The following USP49 variants were observed in gnomAD, a reference collection of about 807,000 sequenced individuals.
USP49 encodes ubiquitin specific peptidase 49.
USP49 carries 24 observed loss-of-function variants against 58.6 expected under a neutral mutation model. The ratio of observed to expected loss-of-function variants is 0.41; its 90% CI spans 0.30 to 0.58. The LOEUF (loss-of-function observed/expected upper bound fraction) is 0.58. Ranked by LOEUF, USP49 falls within the 20% of genes least tolerant of loss-of-function variation. The probability of loss-of-function intolerance (pLI) is 0.30; values close to 1 mark genes in which losing one functional copy is unlikely to be tolerated. For synonymous variants in USP49, 408 were observed against 365.1 expected (o/e 1.12, Z -1.34); for missense variants, 703 against 866.1 (o/e 0.81, Z 2.36).
At chr6:41,831,580 C>CAAAAAAA (rs57125790) in intron 3 of USP49, among the ~76,000 whole-genome samples, 1 of 114,294 alleles carries the variant, frequency 8.7e-6, no homozygotes, top group African/African-American at 3.3e-5. Flanking sequence ...AACTCCATCT[C>CAAAAAAA]AAAAAAAAAA....
chr6:41,822,014 A>G (rs1038134109), intron 3 of USP49, among the ~76,000 whole-genome samples: 3 of 152,236 alleles, frequency 2.0e-5, no homozygotes, highest in African/African-American at 7.2e-5. Flanking sequence ...GTTTTCAGTC[A>G]TAGAAACAAT....
intron 3 of USP49, among the ~76,000 whole-genome samples, chr6:41,807,665 C>G (rs756739104): frequency 2.0e-5 from 3 of 152,008 alleles, no homozygotes; most frequent in Non-Finnish European, 4.4e-5. Flanking sequence ...TGGTCTCGAA[C>G]TCCTGACCTC....
rs1418586768 is a variant in USP49 at position 41,805,994 on chromosome 6, G to T, written c.990C>A (p.Phe330Leu). 2 of 1,613,950 alleles carry T rather than the reference G, an allele frequency of 1.2e-6. No individual in the cohort carries two copies. The highest frequency in any genetic ancestry group is 1.6e-4 in the Middle Eastern group (1 of 6,062). The change falls in exon 4 of 8, where the codon TTC becomes TTA. Residue 330 changes from phenylalanine (F) to leucine (L), a missense_variant. Physicochemically the swap from Phe to Leu is conservative, Grantham distance 22 (BLOSUM62 0). Coordinates refer to ENST00000682992, the MANE Select transcript of USP49 (RefSeq NM_001286554.2). ...DRAEACEREG[F>L]CWNGRASISR... ...TAATGGAGGCCCTGCCGTTCCAGCAGAAGCCCTCCCGCTCGCATGCCTCGG... is the reference window on the plus strand; with the variant it reads ...TAATGGAGGCCCTGCCGTTCCAGCATAAGCCCTCCCGCTCGCATGCCTCGG...
chr6:41,823,857 A>AGAGTGTGTGT (rs1263171963), intron 3 of USP49, among the ~76,000 whole-genome samples: 17 of 152,056 alleles, frequency 1.1e-4, no homozygotes, highest in African/African-American at 3.9e-4. Flanking sequence ...AGGGAGAGAG[A>AGAGTGTGTGT]GAGTGTGTGT....
At chr6:41,877,194 AG>A (rs1774517718) in intron 2 of USP49, among the ~76,000 whole-genome samples, 1 of 152,238 alleles carries the variant, frequency 6.6e-6, no homozygotes, top group Non-Finnish European at 1.5e-5. Flanking sequence ...TTTAAATTCA[AG>A]GCCTCTGCAC....
Position 41,792,076 on chromosome 6 carries a change from G to C in USP49, c.*4457C>G, listed in dbSNP as rs1325460532. ...GAGCTCAGTGGAAACCTTAAGGTCAGAGTAAAAGAAACTGGCTGTAAACAG... is the reference window on the plus strand; with the variant it reads ...GAGCTCAGTGGAAACCTTAAGGTCACAGTAAAAGAAACTGGCTGTAAACAG... On this transcript the variant is annotated 3_prime_UTR_variant, in exon 8 of 8. Coordinates refer to ENST00000682992, the MANE Select transcript of USP49 (RefSeq NM_001286554.2). 1 of 152,214 alleles carries C rather than the reference G, an allele frequency of 6.6e-6. No homozygotes were observed. Among genetic ancestry groups the C allele is most frequent in the Non-Finnish European group, 1.5e-5 (1 of 68,036 alleles). The allele number at this position is 152,214 out of a possible 1,614,324, so 9.4% of individuals were successfully genotyped here. A position where few individuals can be genotyped will look rare whatever the true frequency, so the allele number is the denominator to read the frequency against.
At position 41,817,150 on chromosome 6, in the gene USP49, C is replaced by CTTTTTTTTTTTTTTT. The variant is rs34281670; in HGVS notation, c.-28-10154_-28-10140dup. Among the ~76,000 whole-genome samples the CTTTTTTTTTTTTTTT allele has an allele frequency of 4.0e-4, 42 of 104,330 alleles. 2 individuals are homozygous for CTTTTTTTTTTTTTTT. Among genetic ancestry groups the CTTTTTTTTTTTTTTT allele is most frequent in the African/African-American group, 1.5e-3 (34 of 22,544 alleles). 68.4% of individuals were successfully genotyped at this position (104,330 alleles called of 152,430 possible). On this transcript the variant is annotated intron_variant, in intron 3 of 7. Transcript: ENST00000682992. ...CCACCACGCCTGGCTCCCACGCATG[C>CTTTTTTTTTTTTTTT]TTTTTTTTTTTTTTTTTGAGACAGA...
intron 2 of USP49, 138 bp from the exon 3 acceptor site, chr6:41,871,775 G>A (rs986105654): frequency 1.2e-4 from 14 of 116,718 alleles, no homozygotes; most frequent in African/African-American, 3.5e-4. Flanking sequence ...TAAAACTGAT[G>A]TAAGAGTAAA....
chr6:41,889,906 C>G (rs898983048), intron 2 of USP49, among the ~76,000 whole-genome samples: 4 of 152,068 alleles, frequency 2.6e-5, no homozygotes, highest in African/African-American at 9.7e-5. Context: ...TAAGGGTATA[C>G]AGAATTTCTT....
rs757909752 is a variant in USP49 at position 41,822,438 on chromosome 6, G to A, written c.-28-15427C>T. ...TGGTTGTTCTAAGAAATGGGAACCCGTCTTCCTGATGTCCTGCTGCTTAAA... is the reference window on the plus strand; with the variant it reads ...TGGTTGTTCTAAGAAATGGGAACCCATCTTCCTGATGTCCTGCTGCTTAAA... On this transcript the variant is annotated intron_variant, in intron 3 of 7. Transcript: ENST00000682992. Among the ~76,000 whole-genome samples, 5 of 152,184 alleles carry A rather than the reference G, an allele frequency of 3.3e-5. No homozygotes were observed. In the East Asian group the frequency reaches 7.7e-4, roughly 23 times the overall value.
intron 2 of USP49, among the ~76,000 whole-genome samples, chr6:41,874,764 A>ACCAGCCTAGG (rs1170579844): frequency 2.6e-5 from 4 of 152,128 alleles, no homozygotes; most frequent in Non-Finnish European, 5.9e-5. Flanking sequence ...GGAGTTTGAG[A>ACCAGCCTAGG]CCAGCCTAGG....
intron 2 of USP49, among the ~76,000 whole-genome samples, chr6:41,884,032 GT>G (rs879622403): frequency 4.7e-5 from 7 of 147,654 alleles, no homozygotes; most frequent in East Asian, 2.0e-4. Context: ...ATCTTTTTTT[GT>G]TTTTTTTTTA....
Position 41,803,745 on chromosome 6 carries a change from C to T in USP49, c.1561+61G>A, listed in dbSNP as rs920506322. On this transcript the variant is annotated intron_variant, in intron 5 of 7. Transcript: ENST00000682992. This position sits in a 1 kb window ranked among gnomAD's most constrained non-coding sequence, Gnocchi z 4.1. ...TTTGACTAAAGAGGACAAAGCAGCACCTTAAACTGATATTCCAATTATTCT... is the reference window on the plus strand; with the variant it reads ...TTTGACTAAAGAGGACAAAGCAGCATCTTAAACTGATATTCCAATTATTCT... The T allele has an allele frequency of 1.1e-5, 17 of 1,573,964 alleles. No individual in the cohort carries two copies. Among genetic ancestry groups the T allele is most frequent in the African/African-American group, 1.4e-5 (1 of 74,072 alleles).
rs1561899470 is a variant in USP49, at chr6:41,792,700, G to T, written c.*3833C>A. On this transcript the variant is annotated 3_prime_UTR_variant, in exon 8 of 8. Coordinates refer to ENST00000682992, the MANE Select transcript of USP49 (RefSeq NM_001286554.2). ...CAGAACTTGCTGGTAAGAATAATTT[G>T]CATTCACACACAAGAGACATGAAAT... The T allele has an allele frequency of 6.6e-6, 1 of 152,214 alleles. No homozygotes were observed. The highest frequency in any genetic ancestry group is 1.5e-5 in the Non-Finnish European group (1 of 68,038). 9.4% of individuals were successfully genotyped at this position (152,214 alleles called of 1,614,324 possible).
intron 1 of USP49, chr6:41,894,159 C>T (rs1186564348): frequency 6.6e-6 from 1 of 152,150 alleles, no homozygotes; most frequent in African/African-American, 2.4e-5. Context: ...ATTCTGGGGC[C>T]CATCTCTTCC....
intron 2 of USP49, among the ~76,000 whole-genome samples, chr6:41,883,019 A>G (rs541639777): frequency 1.3e-5 from 2 of 152,286 alleles, no homozygotes; most frequent in African/African-American, 4.8e-5. Flanking sequence ...TTTAAGAAAT[A>G]TTATATATAT....
chr6:41,850,523 G>A (rs1774008869), intron 3 of USP49, among the ~76,000 whole-genome samples: 1 of 151,140 alleles, frequency 6.6e-6, no homozygotes, highest in Non-Finnish European at 1.5e-5. Context: ...TGTAACTGAT[G>A]TCACAGAAAT....
chr6:41,855,997 G>C lies in USP49; in HGVS notation c.-29+15567C>G, dbSNP rs146467072. 6.4e-3 allele frequency among the ~76,000 whole-genome samples: 966 copies of C among 151,974 alleles called. 7 individuals are homozygous for C. Among genetic ancestry groups the C allele is most frequent in the African/African-American group, 0.022 (916 of 41,450 alleles). On this transcript the variant is annotated intron_variant, in intron 3 of 7. Coordinates refer to ENST00000682992, the MANE Select transcript of USP49 (RefSeq NM_001286554.2). Reference sequence around the variant, plus strand: ...CGGGAAGCAGAGGTTGCAGTGAGCTGAGATAGTGCCACTGCATTCCAGCCT... The same window carrying C: ...CGGGAAGCAGAGGTTGCAGTGAGCTCAGATAGTGCCACTGCATTCCAGCCT...
intron 3 of USP49, among the ~76,000 whole-genome samples, chr6:41,857,820 G>A (rs1003795393): frequency 1.5e-4 from 23 of 152,224 alleles, no homozygotes; most frequent in Admixed American, 1.5e-3. Flanking sequence ...CTGTAACACA[G>A]GCATTACATG....
Sources: allele counts gnomAD v4.1 joint callset (sites outside exome capture counted in the v4.1 genomes callset), GRCh38; gene constraint gnomAD v4.1.1; non-coding constraint Gnocchi (gnomAD v3.1); transcripts MANE v1.5; gene names NCBI Gene and HGNC (gene_info 2026-07-23, HGNC 2026-07-21).